The following PHKG2 variants were observed in gnomAD, a reference collection of about 807,000 sequenced individuals.
PHKG2 encodes the protein phosphorylase b kinase gamma catalytic chain, liver/testis isoform.
PHKG2 carries 28 observed loss-of-function variants against 44.5 expected under a neutral mutation model. The ratio of observed to expected loss-of-function variants is 0.63; its 90% confidence interval spans 0.47 to 0.86. The LOEUF (loss-of-function observed/expected upper bound fraction) is 0.86, where lower values mean the gene tolerates loss of function less well. Ranked by LOEUF, PHKG2 falls within the 40% of genes least tolerant of loss-of-function variation. The probability of loss-of-function intolerance (pLI) is 0.00; values close to 1 mark genes in which losing one functional copy is unlikely to be tolerated. For synonymous variants in PHKG2, 220 were observed against 211.2 expected (o/e 1.04, Z -0.36); for missense variants, 498 against 547.5 (o/e 0.91, Z 0.90).
intron 6 of PHKG2, 75 bp downstream of exon 6, chr16:30,753,632 G>C: frequency 7.0e-7 from 1 of 1,427,002 alleles, no homozygotes; most frequent in Non-Finnish European, 9.8e-7. Flanking sequence ...CTGGGTCTGA[G>C]TACCAAGTCC....
rs182267845 is a variant in PHKG2 at position 30,757,574 on chromosome 16, G to A, written c.*477G>A. ...AGCCTTTCCTCGCTGGCCTTGAGCC[G>A]CTCCTCCACCAGCCCCTGGAGCTGC... On this transcript the variant is annotated 3_prime_UTR_variant, in exon 10 of 10. Coordinates refer to ENST00000563588, the MANE Select transcript of PHKG2 (RefSeq NM_000294.3). 5.8e-5 allele frequency: 94 copies of A among 1,614,174 alleles called. No homozygotes were observed. In the East Asian group the frequency reaches 1.4e-3, roughly 24 times the overall value.
chr16:30,760,347 A>G lies in PHKG2; in HGVS notation c.*3250A>G. ...GCCGCTGACGTCTGCTCCAGTGAGA[A>G]GCCCTGCTGGCGGCAGAAAATGAGC... On this transcript the variant is annotated 3_prime_UTR_variant, in exon 10 of 10. Coordinates refer to ENST00000563588, the MANE Select transcript of PHKG2 (RefSeq NM_000294.3). The G allele has an allele frequency of 6.2e-7, 1 of 1,614,214 alleles. No homozygotes were observed. Among genetic ancestry groups the G allele is most frequent in the South Asian group, 1.1e-5 (1 of 91,092 alleles).
intron 6 of PHKG2, chr16:30,755,173 C>T (rs141307388): frequency 3.4e-6 from 1 of 297,912 alleles, no homozygotes; most frequent in African/African-American, 2.2e-5. Flanking sequence ...GCCTAGGAGC[C>T]CAAGGCTACA....
Position 30,756,533 on chromosome 16 carries a change from T to C in PHKG2, c.801+13T>C. The C allele has an allele frequency of 1.2e-6, 2 of 1,612,802 alleles. No individual in the cohort carries two copies. The highest frequency in any genetic ancestry group is 1.7e-6 in the Non-Finnish European group (2 of 1,179,998). On this transcript the variant is annotated intron_variant, in intron 8 of 9. Coordinates refer to ENST00000563588, the MANE Select transcript of PHKG2 (RefSeq NM_000294.3). ...TGTCAAAGACCTGGTGAGCGGGGGC[T>C]GAGAGGACAGTAGGGGAGGCCCAAG...
Position 30,760,674 on chromosome 16 carries a change from A to G in PHKG2, c.*3577A>G. 2 of 1,523,974 alleles carry G rather than the reference A, an allele frequency of 1.3e-6. No individual in the cohort carries two copies. The highest frequency in any genetic ancestry group is 1.7e-4 in the Middle Eastern group (1 of 5,946). The allele number at this position is 1,523,974 out of a possible 1,614,324, so 94.4% of individuals were successfully genotyped here. A position where few individuals can be genotyped will look rare whatever the true frequency, so the allele number is the denominator to read the frequency against. Reference sequence around the variant, plus strand: ...AATGGACGTCCAGGTACTTCCTGTTATAGTAAAAGAAAAAGAGTATTGGTG... The same window carrying G: ...AATGGACGTCCAGGTACTTCCTGTTGTAGTAAAAGAAAAAGAGTATTGGTG... On this transcript the variant is annotated 3_prime_UTR_variant, in exon 10 of 10. Transcript: ENST00000563588.
rs61746942 is a variant in PHKG2 at position 30,759,051 on chromosome 16, C to G, written c.*1954C>G. 571 of 1,614,188 alleles carry G rather than the reference C, an allele frequency of 3.5e-4. 4 individuals carry two copies. In the African/African-American group the frequency reaches 6.3e-3, roughly 18 times the overall value. The stretch of plus-strand genomic sequence containing the variant: ...GGTGGGGCCACTGTCTCTAGTTCCT[C>G]TTTCTGCGGGGTAACTGCCTGCTCC... On this transcript the variant is annotated 3_prime_UTR_variant, in exon 10 of 10. Coordinates refer to ENST00000563588, the MANE Select transcript of PHKG2 (RefSeq NM_000294.3).
Position 30,760,002 on chromosome 16 carries a change from T to C in PHKG2, c.*2905T>C. 9.5e-6 allele frequency: 14 copies of C among 1,467,910 alleles called. No individual in the cohort carries two copies. Among genetic ancestry groups the C allele is most frequent in the Non-Finnish European group, 1.3e-5 (14 of 1,116,780 alleles). The allele number at this position is 1,467,910 out of a possible 1,614,324, so 90.9% of individuals were successfully genotyped here. On this transcript the variant is annotated 3_prime_UTR_variant, in exon 10 of 10. Coordinates refer to ENST00000563588, the MANE Select transcript of PHKG2 (RefSeq NM_000294.3). ...AGATCATTTCAGCTATTAAACATTC[T>C]GAAGCAAGAGCTATTAAACATTCTA...
chr16:30,751,749 C>T lies in PHKG2; in HGVS notation c.326+146C>T, dbSNP rs1225663393. 1.4e-5 allele frequency: 11 copies of T among 803,132 alleles called. No individual in the cohort carries two copies. In the East Asian group the frequency reaches 2.0e-4, roughly 14 times the overall value. 49.8% of individuals were successfully genotyped at this position (803,132 alleles called of 1,614,324 possible). A position where few individuals can be genotyped will look rare whatever the true frequency, so the allele number is the denominator to read the frequency against. ...TCTATCACCTGGGCCTGCCTGCTAG[C>T]GCATGGCTCTGGCCTTCTCCCTTGG... On this transcript the variant is annotated intron_variant, in intron 4 of 9. Transcript: ENST00000563588.
At chr16:30,750,430 G>A (rs1221692077) in intron 2 of PHKG2, among the ~76,000 whole-genome samples, 2 of 152,200 alleles carry the variant, frequency 1.3e-5, no homozygotes, top group Admixed American at 6.5e-5. Flanking sequence ...GCTGGATCCT[G>A]GAGGGATTTG....
Position 30,758,961 on chromosome 16 carries a change from T to C in PHKG2, c.*1864T>C. On this transcript the variant is annotated 3_prime_UTR_variant, in exon 10 of 10. Coordinates refer to ENST00000563588, the MANE Select transcript of PHKG2 (RefSeq NM_000294.3). ...GTCCTGATGTCATCCAAACCCTTCA[T>C]TCTACACCTGCTCAGAGGGACAGGG... 3.1e-6 allele frequency: 5 copies of C among 1,610,190 alleles called. No homozygotes were observed. The highest frequency in any genetic ancestry group is 4.2e-6 in the Non-Finnish European group (5 of 1,178,280).
chr16:30,756,923 C>T lies in PHKG2; in HGVS notation c.1047C>T (p.Leu349=). 1 of 1,613,984 alleles carries T rather than the reference C, an allele frequency of 6.2e-7. No homozygotes were observed. The highest frequency in any genetic ancestry group is 1.1e-5 in the South Asian group (1 of 91,088). ...DPYALRSVRH[L]IDNCAFRLYG... is the part of the protein sequence containing the mutation. ...ATGCGCTGCGGTCAGTGCGGCACCT[C>T]ATCGACAACTGTGCCTTCCGGCTCT... The change falls in exon 10 of 10, where the codon CTC becomes CTT. Residue 349 remains leucine (L), a synonymous_variant. Coordinates refer to ENST00000563588, the MANE Select transcript of PHKG2 (RefSeq NM_000294.3).
intron 2 of PHKG2, among the ~76,000 whole-genome samples, chr16:30,749,882 C>T (rs1222082098): frequency 2.0e-5 from 3 of 152,174 alleles, no homozygotes; most frequent in African/African-American, 2.4e-5. Context: ...AGGTCTGTAT[C>T]AAGTGCTATG....
rs1417406661 is a variant in PHKG2 at position 30,760,148 on chromosome 16, G to A, written c.*3051G>A. 6.3e-7 allele frequency: 1 copy of A among 1,574,964 alleles called. No individual in the cohort carries two copies. Among genetic ancestry groups the A allele is most frequent in the Non-Finnish European group, 8.6e-7 (1 of 1,167,282 alleles). ...GGAAGCAGTGGATTGGAAAGCTGAT[G>A]GCTTGTGTATGATGATGCTACTAAT... On this transcript the variant is annotated 3_prime_UTR_variant, in exon 10 of 10. Coordinates refer to ENST00000563588, the MANE Select transcript of PHKG2 (RefSeq NM_000294.3).
At position 30,755,168 on chromosome 16, in the gene PHKG2, G is replaced by A. The variant is rs939815881; in HGVS notation, c.557-1014G>A. 7 of 304,292 alleles carry A rather than the reference G, an allele frequency of 2.3e-5. No individual in the cohort carries two copies. In the Admixed American group the frequency reaches 3.0e-4, roughly 13 times the overall value. 18.8% of individuals were successfully genotyped at this position (304,292 alleles called of 1,614,324 possible). ...GAAGGAGGAGGCTCACTTGAGCCTAGGAGCCCAAGGCTACAATGAGCTGTG... is the reference window on the plus strand; with the variant it reads ...GAAGGAGGAGGCTCACTTGAGCCTAAGAGCCCAAGGCTACAATGAGCTGTG... On this transcript the variant is annotated intron_variant, in intron 6 of 9. Coordinates refer to ENST00000563588, the MANE Select transcript of PHKG2 (RefSeq NM_000294.3).
At chr16:30,753,189 C>T (rs748179831) in intron 4 of PHKG2, 43 bp from the exon 5 acceptor site, 7 of 1,478,900 alleles carry the variant, frequency 4.7e-6, no homozygotes, top group Admixed American at 1.7e-5. Flanking sequence ...TCTCAGCCCC[C>T]ACTGTGGGAT....
At chr16:30,751,027 A>C in intron 2 of PHKG2, 79 bp from the exon 3 acceptor site, 1 of 1,435,098 alleles carries the variant, frequency 7.0e-7, no homozygotes, top group Non-Finnish European at 9.7e-7. Context: ...CACAGCGGGC[A>C]TGAGGATGCT....
rs1555468415 is a variant in PHKG2 at position 30,758,773 on chromosome 16, GCGAA to G, written c.*1678_*1681del. On this transcript the variant is annotated 3_prime_UTR_variant, in exon 10 of 10. Transcript: ENST00000563588. ...TTTCACGGTGTTGCCCAGGCTGGTCGCGAACTCCTGAGCTCAGGCAATCCGCCTG... is the reference window on the plus strand; with the variant it reads ...TTTCACGGTGTTGCCCAGGCTGGTCGCTCCTGAGCTCAGGCAATCCGCCTG... 1.7e-6 allele frequency: 1 copy of G among 603,572 alleles called. No homozygotes were observed. Among genetic ancestry groups the G allele is most frequent in the Non-Finnish European group, 2.8e-6 (1 of 358,262 alleles). 37.4% of individuals were successfully genotyped at this position (603,572 alleles called of 1,614,324 possible). A position where few individuals can be genotyped will look rare whatever the true frequency, so the allele number is the denominator to read the frequency against.
Position 30,751,217 on chromosome 16 carries a change from G to A in PHKG2, c.207G>A (p.Glu69=). Residue 69 remains glutamate, a synonymous_variant, in exon 3 of 10, where the codon GAG becomes GAA. Transcript: ENST00000563588. ...GGCTGAGTCCTGAGCAGCTGGAGGAGGTGCGGGAAGCCACACGGCGAGAGA... is the reference window on the plus strand; with the variant it reads ...GGCTGAGTCCTGAGCAGCTGGAGGAAGTGCGGGAAGCCACACGGCGAGAGA... ...AERLSPEQLE[E]VREATRRETH... 1 of 1,613,552 alleles carries A rather than the reference G, an allele frequency of 6.2e-7. No individual in the cohort carries two copies. Among genetic ancestry groups the A allele is most frequent in the Non-Finnish European group, 8.5e-7 (1 of 1,180,032 alleles).
chr16:30,756,031 G>T lies in PHKG2; in HGVS notation c.557-151G>T, dbSNP rs1005603950. The T allele has an allele frequency of 8.3e-5, 63 of 758,058 alleles. No individual in the cohort carries two copies. The African/African-American group carries it at 1.1e-3, about 13-fold the overall frequency. The allele number at this position is 758,058 out of a possible 1,614,324, so 47.0% of individuals were successfully genotyped here. On this transcript the variant is annotated intron_variant, in intron 6 of 9. Transcript: ENST00000563588. Reference sequence around the variant, plus strand: ...GAGCCAACTGTTGCGCAGGGATAGTGCCTCAGCAGGAGACTTGGCAGAAGG... The same window carrying T: ...GAGCCAACTGTTGCGCAGGGATAGTTCCTCAGCAGGAGACTTGGCAGAAGG...
Sources: allele counts gnomAD v4.1 joint callset (sites outside exome capture counted in the v4.1 genomes callset), GRCh38; gene constraint gnomAD v4.1.1; transcripts MANE v1.5; gene names NCBI Gene and HGNC (gene_info 2026-07-23, HGNC 2026-07-21).